The following EXT1 variants were observed in gnomAD, a reference collection of about 807,000 sequenced individuals.
The protein encoded by EXT1 is exostosin-1.
In EXT1, 20 loss-of-function variants were observed where a neutral mutation model predicts 82.5. That is an observed-to-expected ratio of 0.24 (90% CI 0.17 to 0.35). The LOEUF (loss-of-function observed/expected upper bound fraction) is 0.35. Among genes scored for constraint, EXT1 ranks in the 10% least tolerant of loss-of-function variants. The pLI is 1.00. For synonymous variants in EXT1, 348 were observed against 350.8 expected (o/e 0.99, Z 0.09); for missense variants, 757 against 936.5 (o/e 0.81, Z 2.50).
chr8:118,027,866 A>G (rs1053433847), intron 1 of EXT1, among the ~76,000 whole-genome samples: 1 of 152,124 alleles, frequency 6.6e-6, no homozygotes, highest in African/African-American at 2.4e-5. Context: ...CTTGGGAATT[A>G]TTACCTTTTA....
intron 1 of EXT1, 108 bp from the exon 2 acceptor site, chr8:117,837,309 A>G: frequency 1.2e-6 from 1 of 866,524 alleles, no homozygotes; most frequent in Non-Finnish European, 2.0e-6. Context: ...GCAACTCGGG[A>G]AAGCCACCAG....
At chr8:117,946,635 C>T (rs1814394178) in intron 1 of EXT1, among the ~76,000 whole-genome samples, 1 of 152,176 alleles carries the variant, frequency 6.6e-6, no homozygotes, top group African/African-American at 2.4e-5. Flanking sequence ...TGGAGCCAAT[C>T]CTATACACGA....
At chr8:117,813,673 A>C in intron 7 of EXT1, among the ~76,000 whole-genome samples, 1 of 152,230 alleles carries the variant, frequency 6.6e-6, no homozygotes, top group Non-Finnish European at 1.5e-5. Context: ...TATTAAAGTT[A>C]CAAATAACTT....
intron 1 of EXT1, among the ~76,000 whole-genome samples, chr8:117,920,484 C>T (rs1037359301): frequency 3.8e-4 from 58 of 152,080 alleles, no homozygotes; most frequent in African/African-American, 1.3e-3. Flanking sequence ...TTCCTAAATC[C>T]CTCCTGTGTT....
At chr8:117,819,105 C>A (rs1174109882) in intron 6 of EXT1, among the ~76,000 whole-genome samples, 2 of 152,212 alleles carry the variant, frequency 1.3e-5, no homozygotes, top group Admixed American at 1.3e-4. Flanking sequence ...TTATTGAATT[C>A]TTTCCTTGTT....
chr8:117,887,738 G>T (rs999166396), intron 1 of EXT1, among the ~76,000 whole-genome samples: 1 of 151,774 alleles, frequency 6.6e-6, no homozygotes, highest in African/African-American at 2.4e-5. Context: ...TAATTTAAAG[G>T]ATTATTATCA....
At chr8:117,964,016 A>G (rs565126676) in intron 1 of EXT1, among the ~76,000 whole-genome samples, 2 of 152,334 alleles carry the variant, frequency 1.3e-5, no homozygotes, top group African/African-American at 2.4e-5. Flanking sequence ...TATGTTGATT[A>G]AAGTTAGTGA....
At chr8:117,830,521 C>T (rs1007774598) in intron 3 of EXT1, among the ~76,000 whole-genome samples, 172 bp from the exon 4 acceptor site, 1 of 152,184 alleles carries the variant, frequency 6.6e-6, no homozygotes, top group Non-Finnish European at 1.5e-5. Flanking sequence ...GAAGTGTCAG[C>T]TGCAAAGAGC....
intron 1 of EXT1, among the ~76,000 whole-genome samples, chr8:117,840,781 AC>A (rs1812263386): frequency 1.3e-5 from 2 of 152,246 alleles, no homozygotes; most frequent in Admixed American, 6.5e-5. Flanking sequence ...CAAAGAAGAC[AC>A]ACAAAGTGCT....
At chr8:118,016,130 G>A (rs760041077) in intron 1 of EXT1, among the ~76,000 whole-genome samples, 4 of 152,168 alleles carry the variant, frequency 2.6e-5, no homozygotes, top group Non-Finnish European at 4.4e-5. Context: ...GGTGGCTCAC[G>A]CCTATAATCC....
intron 1 of EXT1, among the ~76,000 whole-genome samples, chr8:117,930,494 G>C (rs1183308930): frequency 1.3e-5 from 2 of 152,238 alleles, no homozygotes; most frequent in Non-Finnish European, 1.5e-5. Context: ...TCCACATCTG[G>C]TCAACCCCCA....
chr8:117,824,807 A>T (rs1441371076), intron 4 of EXT1, among the ~76,000 whole-genome samples: 1 of 152,124 alleles, frequency 6.6e-6, no homozygotes, highest in Non-Finnish European at 1.5e-5. Context: ...ATATTTACGA[A>T]TAAAATTTTC....
chr8:117,819,543 A>G, intron 6 of EXT1, 133 bp downstream of exon 6: 2 of 791,632 alleles, frequency 2.5e-6, no homozygotes, highest in Non-Finnish European at 4.6e-6. Context: ...GATGAATGAA[A>G]GGGAGTAGCA....
intron 1 of EXT1, among the ~76,000 whole-genome samples, chr8:117,997,801 T>C (rs1815578005): frequency 6.6e-6 from 1 of 152,138 alleles, no homozygotes; most frequent in African/African-American, 2.4e-5. Context: ...CCCATGGTTT[T>C]AATACAAAGC....
chr8:117,829,026 T>C (rs1458202775), intron 4 of EXT1, among the ~76,000 whole-genome samples: 1 of 152,280 alleles, frequency 6.6e-6, no homozygotes, highest in African/African-American at 2.4e-5. Flanking sequence ...GTAGGTTCCA[T>C]ATTACATTAG....
intron 1 of EXT1, among the ~76,000 whole-genome samples, chr8:117,982,238 G>A (rs982329001): frequency 6.6e-5 from 10 of 152,278 alleles, no homozygotes; most frequent in African/African-American, 1.7e-4. Context: ...AGTTCCTTGC[G>A]GGTGTAAGAC....
chr8:117,943,300 G>A (rs558214112), intron 1 of EXT1, among the ~76,000 whole-genome samples: 1 of 152,154 alleles, frequency 6.6e-6, no homozygotes, highest in Non-Finnish European at 1.5e-5. Flanking sequence ...TTTGTGGAAG[G>A]CAATTTGACA....
intron 1 of EXT1, among the ~76,000 whole-genome samples, chr8:118,093,509 G>A (rs1817559247): frequency 6.6e-6 from 1 of 152,100 alleles, no homozygotes; most frequent in Admixed American, 6.5e-5. Context: ...TAATGTATAA[G>A]AAGAATTTAA....
At chr8:117,915,899 G>T (rs371797907) in intron 1 of EXT1, among the ~76,000 whole-genome samples, 1 of 94,866 alleles carries the variant, frequency 1.1e-5, no homozygotes, top group African/African-American at 3.0e-5. Flanking sequence ...CAAAACAAAA[G>T]TCACTCTTTG....
Sources: gnomAD v4.1 joint callset for allele counts (sites outside exome capture counted in the v4.1 genomes callset) on GRCh38, gnomAD v4.1.1 for gene constraint, MANE v1.5 for transcripts, NCBI Gene and HGNC (gene_info 2026-07-23, HGNC 2026-07-21) for gene names.